The following LPP variants were observed in gnomAD, a reference collection of about 807,000 sequenced individuals.
LPP encodes lipoma-preferred partner.
In LPP, 38 loss-of-function variants were observed where a neutral mutation model predicts 60.4. The ratio of observed to expected loss-of-function variants is 0.63; its 90% CI spans 0.49 to 0.83. The LOEUF is 0.83. Among genes scored for constraint, LPP ranks in the 40% least tolerant of loss-of-function variants. The pLI is 0.00. For missense variants in LPP, 902 were observed against 783.6 expected (o/e 1.15, Z -1.80); for synonymous variants, 328 against 290.8 (o/e 1.13, Z -1.30).
chr3:188,250,920 C>CTCCCTTCCCTTCCCTTCCCTTCCCT (rs1161657769), intron 2 of LPP, among the ~76,000 whole-genome samples: 6 of 20,072 alleles, frequency 3.0e-4, no homozygotes, highest in African/African-American at 1.7e-3. Context: ...CCCTTCCTTC[C>CTCCCTTCCCTTCCCTTCCCTTCCCT]TCCCTTCCCT....
At chr3:188,637,785 A>G (rs1849139017) in intron 7 of LPP, among the ~76,000 whole-genome samples, 2 of 152,258 alleles carry the variant, frequency 1.3e-5, no homozygotes, top group Admixed American at 6.5e-5. Flanking sequence ...AAATTCCTTG[A>G]TACGTACATG....
intron 8 of LPP, among the ~76,000 whole-genome samples, chr3:188,720,863 G>A (rs1716089335): frequency 1.3e-5 from 2 of 152,154 alleles, no homozygotes; most frequent in South Asian, 2.1e-4. Flanking sequence ...TTCAACAAGA[G>A]CAAACAGAAA....
intron 7 of LPP, among the ~76,000 whole-genome samples, chr3:188,631,800 T>C (rs781262139): frequency 6.6e-6 from 1 of 152,186 alleles, no homozygotes; most frequent in Non-Finnish European, 1.5e-5. Context: ...ACAATGACGA[T>C]GGGTGATGAC....
Position 188,218,096 on chromosome 3 carries a change from C to G in LPP, c.-189-7309C>G, listed in dbSNP as rs115294227. Among the ~76,000 whole-genome samples the G allele has an allele frequency of 2.4e-3, 364 of 152,316 alleles. 1 individual carries two copies. The highest frequency in any genetic ancestry group is 8.6e-3 in the African/African-American group (356 of 41,572). On this transcript the variant is annotated intron_variant, in intron 1 of 11. Transcript: ENST00000617246. ...AACTCCCTGGTAAGGAATCTTCAAT[C>G]TCCATGTGAGATGGGTCTGGAAGGC...
chr3:188,765,535 A>G (rs1465732632), intron 9 of LPP, among the ~76,000 whole-genome samples: 1 of 152,100 alleles, frequency 6.6e-6, no homozygotes, highest in African/African-American at 2.4e-5. Flanking sequence ...GCATGCTGTC[A>G]TACCTAGTAG....
Position 188,866,531 on chromosome 3 carries a change from A to G in LPP, c.1589+153A>G, listed in dbSNP as rs186943288. ...AAGAGCTTATTGATCCCCTCCTCCA[A>G]TGCAAGAATTAATATCAGACAATCC... is the stretch of plus-strand genomic sequence containing the variant. On this transcript the variant is annotated intron_variant, in intron 10 of 11. Coordinates refer to ENST00000617246, the MANE Select transcript of LPP (RefSeq NM_001375462.1). Among the ~76,000 whole-genome samples, 4 of 152,160 alleles carry G rather than the reference A, an allele frequency of 2.6e-5. No individual in the cohort carries two copies. In the East Asian group the frequency reaches 7.7e-4, roughly 29 times the overall value.
At chr3:188,180,216 C>A (rs973893852) in intron 1 of LPP, 35 of 154,584 alleles carry the variant, frequency 2.3e-4, no homozygotes, top group Middle Eastern at 1.6e-3. Context: ...TGGCTTCTTG[C>A]CTTCTCACTC....
rs1174629432 is a variant in LPP, at chr3:188,403,715, CA to C, written c.-9-2396del. Among the ~76,000 whole-genome samples, 5 of 152,042 alleles carry C rather than the reference CA, an allele frequency of 3.3e-5. No individual in the cohort carries two copies. In the East Asian group the frequency reaches 9.6e-4, roughly 29 times the overall value. On this transcript the variant is annotated intron_variant, in intron 3 of 11. Coordinates refer to ENST00000617246, the MANE Select transcript of LPP (RefSeq NM_001375462.1). The stretch of plus-strand genomic sequence containing the variant: ...ATCATCTGAAGTTATTCCAAATGAA[CA>C]GCTAAATTTAAAAACCACGAGTAAA...
At chr3:188,446,377 A>G (rs1168855822) in intron 4 of LPP, among the ~76,000 whole-genome samples, 1 of 152,208 alleles carries the variant, frequency 6.6e-6, no homozygotes, top group Admixed American at 6.5e-5. Flanking sequence ...CTCAAGGTCA[A>G]AACATCATGA....
chr3:188,600,955 T>G (rs1015279708), intron 6 of LPP, among the ~76,000 whole-genome samples: 11 of 152,108 alleles, frequency 7.2e-5, no homozygotes, highest in South Asian at 2.1e-4. Context: ...TAGATAGATA[T>G]AGATGTGTGT....
chr3:188,824,015 A>G (rs577167210), intron 9 of LPP, among the ~76,000 whole-genome samples: 1 of 152,316 alleles, frequency 6.6e-6, no homozygotes, highest in Admixed American at 6.5e-5. Context: ...TTTTACTTAT[A>G]ATAATCCATT....
intron 3 of LPP, among the ~76,000 whole-genome samples, chr3:188,389,775 CAAAA>C (rs56304365): frequency 1.2e-5 from 1 of 85,346 alleles, no homozygotes; most frequent in Non-Finnish European, 2.0e-5. Flanking sequence ...GACTCCGTCT[CAAAA>C]AAAAAAAAAA....
chr3:188,398,169 A>G (rs1417955885), intron 3 of LPP, among the ~76,000 whole-genome samples: 2 of 152,208 alleles, frequency 1.3e-5, no homozygotes, highest in African/African-American at 4.8e-5. Flanking sequence ...CATAGGAGTT[A>G]AAACATAGTT....
intron 4 of LPP, among the ~76,000 whole-genome samples, chr3:188,459,070 T>G (rs999947688): frequency 6.6e-6 from 1 of 152,194 alleles, no homozygotes; most frequent in African/African-American, 2.4e-5. Flanking sequence ...CATTCTTAAA[T>G]TAGCTAGAAT....
Position 188,154,193 on chromosome 3 carries a change from C to CGCA in LPP, c.-247_-246insAGC. ...TGCCTCTGCCTCCGCCTCCAGCCGC[C>CGCA]GCCGCCGCCGCCGCCGCCGCCACCA... On this transcript the variant is annotated 5_prime_UTR_variant, in exon 1 of 12. Coordinates refer to ENST00000617246, the MANE Select transcript of LPP (RefSeq NM_001375462.1). 1 of 219,764 alleles carries CGCA rather than the reference C, an allele frequency of 4.6e-6. No homozygotes were observed. Among genetic ancestry groups the CGCA allele is most frequent in the Non-Finnish European group, 8.8e-6 (1 of 113,882 alleles). The allele number at this position is 219,764 out of a possible 1,614,324, so 13.6% of individuals were successfully genotyped here.
At chr3:188,651,821 T>G (rs979670877) in intron 7 of LPP, among the ~76,000 whole-genome samples, 1 of 152,166 alleles carries the variant, frequency 6.6e-6, no homozygotes. Flanking sequence ...AAAGATGAGA[T>G]TTGGATGGGG....
chr3:188,213,413 T>G (rs995112969), intron 1 of LPP, among the ~76,000 whole-genome samples: 6 of 152,126 alleles, frequency 3.9e-5, no homozygotes, highest in Non-Finnish European at 7.4e-5. Flanking sequence ...GATGGCTCAT[T>G]ATGTGGGATT....
At chr3:188,404,502 C>T (rs1030890915) in intron 3 of LPP, among the ~76,000 whole-genome samples, 1 of 152,182 alleles carries the variant, frequency 6.6e-6, no homozygotes, top group Non-Finnish European at 1.5e-5. Context: ...GCCTTGGCCT[C>T]CAAAGTGCTC....
At chr3:188,710,705 A>G (rs1049890897) in intron 8 of LPP, 1 of 152,214 alleles carries the variant, frequency 6.6e-6, no homozygotes, top group Non-Finnish European at 1.5e-5. Flanking sequence ...AAAAAGGAAA[A>G]GCTGACTTAC....
Sources: allele counts gnomAD v4.1 joint callset (sites outside exome capture counted in the v4.1 genomes callset), GRCh38; gene constraint gnomAD v4.1.1; transcripts MANE v1.5; gene names NCBI Gene and HGNC (gene_info 2026-07-23, HGNC 2026-07-21).